The following AMELX variants were observed in gnomAD, a reference collection of about 807,000 sequenced individuals.
The protein encoded by AMELX is amelogenin X-linked.
Under a neutral mutation model 15.8 loss-of-function variants are expected in AMELX, and 9 were observed. The ratio of observed to expected loss-of-function variants is 0.57; its 90% CI spans 0.34 to 0.99. The LOEUF is 0.99. Ranked by LOEUF, AMELX falls within the 50% of genes least tolerant of loss-of-function variation. The pLI, the probability that AMELX is intolerant of heterozygous loss-of-function variation, is 0.02. For missense variants in AMELX, 107 were observed against 156.2 expected, an observed-to-expected ratio of 0.68 and a Z score of 1.68; for synonymous variants, 61 against 58.8, an observed-to-expected ratio of 1.04 and a Z score of -0.17.
chrX:11,294,989 G>C lies in AMELX; in HGVS notation c.54+147G>C. Reference sequence around the variant, plus strand: ...TCTGGGTTGAAGAAACACTTCAGGAGCTTGTTTTAAAAAGGTATATTCTCA... The same window carrying C: ...TCTGGGTTGAAGAAACACTTCAGGACCTTGTTTTAAAAAGGTATATTCTCA... On this transcript the variant is annotated intron_variant, in intron 2 of 5. Coordinates refer to ENST00000380714, the MANE Select transcript of AMELX (RefSeq NM_001142.2). 4.4e-6 allele frequency: 3 copies of C among 683,632 alleles called. No individual in the cohort carries two copies. In the South Asian group the frequency reaches 7.5e-5, roughly 17 times the overall value. The allele number at this position is 683,632 out of a possible 1,213,427, so 56.3% of individuals were successfully genotyped here. A position where few individuals can be genotyped will look rare whatever the true frequency, so the allele number is the denominator to read the frequency against.
At chrX:11,297,633 G>A (rs1465960373) in intron 3 of AMELX, among the ~76,000 whole-genome samples, 1 of 111,623 alleles carries the variant, frequency 9.0e-6, no homozygotes, top group Non-Finnish European at 1.9e-5. Context: ...TTCTCTCACA[G>A]GTTCAGGTAA....
At chrX:11,296,964 C>A in intron 3 of AMELX, 138 bp downstream of exon 3, 2 of 896,967 alleles carry the variant, frequency 2.2e-6, no homozygotes, top group African/African-American at 1.9e-5. Flanking sequence ...ACCAGCTTCC[C>A]AGTTTAAGCT....
the AMELX span, among the ~76,000 whole-genome samples, chrX:11,308,961 C>A: frequency 8.9e-6 from 1 of 111,999 alleles, no homozygotes; most frequent in South Asian, 3.8e-4. Context: ...GGTTTGAAGA[C>A]TCTGAATTTA....
chrX:11,305,431 A>G (rs1305079841), downstream of AMELX, among the ~76,000 whole-genome samples: 1 of 112,157 alleles, frequency 8.9e-6, no homozygotes, highest in African/African-American at 3.2e-5. Context: ...TAGAATAGTT[A>G]TTTGCTTCTT....
At chrX:11,304,513 C>A (rs2048212430), downstream of AMELX, among the ~76,000 whole-genome samples, 2 of 110,856 alleles carry the variant, frequency 1.8e-5, no homozygotes, top group Admixed American at 1.9e-4. Context: ...CTGTTCTTTG[C>A]TGCCTCCAAG....
intron 3 of AMELX, among the ~76,000 whole-genome samples, chrX:11,297,944 T>A (rs1356808109): frequency 8.9e-6 from 1 of 112,596 alleles, no homozygotes; most frequent in African/African-American, 3.2e-5. Context: ...AGTTAATGAA[T>A]CTCTTTAACT....
downstream of AMELX, among the ~76,000 whole-genome samples, chrX:11,302,009 T>C (rs1175244570): frequency 8.9e-6 from 1 of 112,269 alleles, no homozygotes; most frequent in Non-Finnish European, 1.9e-5. Context: ...AGTGTGATAA[T>C]ACAGAGGAAT....
chrX:11,302,059 C>T (rs1030035067), downstream of AMELX, among the ~76,000 whole-genome samples: 3 of 112,175 alleles, frequency 2.7e-5, no homozygotes, highest in South Asian at 1.1e-3. Context: ...TAATTATACT[C>T]TAATACTTGC....
At chrX:11,294,701 TG>T (rs2048051851) in intron 1 of AMELX, 75 bp from the exon 2 acceptor site, 5 of 1,016,140 alleles carry the variant, frequency 4.9e-6, no homozygotes, top group Admixed American at 4.4e-5. Flanking sequence ...ATGTAGATTA[TG>T]TGTGTTTTAT....
chrX:11,298,421 T>C lies in AMELX; in HGVS notation c.145-127T>C, dbSNP rs1040939932. 3.5e-6 allele frequency: 4 copies of C among 1,135,845 alleles called. No homozygotes were observed. In the African/African-American group the frequency reaches 5.4e-5, roughly 15 times the overall value. 93.6% of individuals were successfully genotyped at this position (1,135,845 alleles called of 1,213,427 possible). A position where few individuals can be genotyped will look rare whatever the true frequency, so the allele number is the denominator to read the frequency against. On this transcript the variant is annotated intron_variant, in intron 4 of 5. Coordinates refer to ENST00000380714, the MANE Select transcript of AMELX (RefSeq NM_001142.2). ...AAAAAATCATATCTGTGTACACAGT[T>C]ACAAATTTTTGCAAAGGAAAAATGA... is the stretch of plus-strand genomic sequence containing the variant.
intron 5 of AMELX, among the ~76,000 whole-genome samples, chrX:11,299,899 T>C (rs1010840835): frequency 8.9e-6 from 1 of 111,914 alleles, no homozygotes; most frequent in African/African-American, 3.2e-5. Flanking sequence ...TTCTTTTAAA[T>C]GGGGGAAAAT....
intron 5 of AMELX, among the ~76,000 whole-genome samples, chrX:11,299,256 T>C (rs2048138184): frequency 8.9e-6 from 1 of 112,032 alleles, no homozygotes. Context: ...TAGAAATATA[T>C]ATTACTAAAC....
intron 1 of AMELX, among the ~76,000 whole-genome samples, chrX:11,294,241 T>C (rs1280625295): frequency 9.0e-6 from 1 of 111,035 alleles, no homozygotes; most frequent in Non-Finnish European, 1.9e-5. Context: ...CCTGAAGTTC[T>C]GTAGATAGGA....
chrX:11,301,351 A>T (rs910800129), downstream of AMELX, among the ~76,000 whole-genome samples: 9 of 112,475 alleles, frequency 8.0e-5, no homozygotes, highest in African/African-American at 2.3e-4. Context: ...ACTTTAAGAT[A>T]AATTGTACTG....
chrX:11,301,651 GA>G (rs1302865336), downstream of AMELX, among the ~76,000 whole-genome samples: 3 of 111,741 alleles, frequency 2.7e-5, no homozygotes, highest in Non-Finnish European at 5.6e-5. Context: ...TTTAAAGGTA[GA>G]AAAGCTTTTA....
the AMELX span, among the ~76,000 whole-genome samples, chrX:11,305,887 T>C: frequency 2.7e-5 from 3 of 111,905 alleles, no homozygotes; most frequent in East Asian, 8.4e-4. Context: ...TATAAAGCAG[T>C]GTATTGTAAG....
the AMELX span, among the ~76,000 whole-genome samples, chrX:11,309,225 C>T: frequency 8.9e-6 from 1 of 111,909 alleles, no homozygotes; most frequent in Non-Finnish European, 1.9e-5. Flanking sequence ...GCCTGAAATA[C>T]ACACACCGTA....
chrX:11,308,103 G>C, the AMELX span, among the ~76,000 whole-genome samples: 3 of 112,229 alleles, frequency 2.7e-5, no homozygotes, highest in South Asian at 1.1e-3. Context: ...GATGTGGCCT[G>C]ATCATATTGT....
At chrX:11,308,334 T>G in the AMELX span, among the ~76,000 whole-genome samples, 1 of 111,655 alleles carries the variant, frequency 9.0e-6, no homozygotes, top group South Asian at 3.8e-4. Context: ...GTTCTTTCTA[T>G]GAAATCATTA....
Sources: allele counts gnomAD v4.1 joint callset (sites outside exome capture counted in the v4.1 genomes callset), GRCh38; gene constraint gnomAD v4.1.1; transcripts MANE v1.5; gene names NCBI Gene and HGNC (gene_info 2026-07-23, HGNC 2026-07-21).